USP49: variants seen among roughly 807,000 people sequenced by gnomAD.
USP49 encodes ubiquitin carboxyl-terminal hydrolase 49.
In USP49, 24 loss-of-function variants were observed where a neutral mutation model predicts 58.6. The ratio of observed to expected loss-of-function variants is 0.41; its 90% CI spans 0.30 to 0.58. The LOEUF (loss-of-function observed/expected upper bound fraction) is 0.58, where lower values mean the gene tolerates loss of function less well. Ranked by LOEUF, USP49 falls within the 20% of genes least tolerant of loss-of-function variation. The pLI is 0.30. For synonymous variants in USP49, 408 were observed against 365.1 expected (o/e 1.12, Z -1.34); for missense variants, 703 against 866.1 (o/e 0.81, Z 2.36).
intron 3 of USP49, among the ~76,000 whole-genome samples, chr6:41,810,061 G>A (rs2395793): frequency 0.99 from 150,001 of 151,638 alleles, 74,206 homozygotes; most frequent in East Asian, 1. Context: ...CTGAGGCAGG[G>A]GAATGGCGCG....
rs149153226 is a variant in USP49, at chr6:41,853,999, CG to C, written c.-29+17564del. ...GGGCAACAACAGCGAGACTCTGTCT[CG>C]AAAAAAAAAAAAAAAAAAAAAAAGA... On this transcript the variant is annotated intron_variant, in intron 3 of 7. Coordinates refer to ENST00000682992, the MANE Select transcript of USP49 (RefSeq NM_001286554.2). 5.0e-3 allele frequency among the ~76,000 whole-genome samples: 295 copies of C among 58,848 alleles called. 26 individuals are homozygous for C. In the South Asian group the frequency reaches 0.062, roughly 12 times the overall value. The allele number at this position is 58,848 out of a possible 152,430, so 38.6% of individuals were successfully genotyped here. A position where few individuals can be genotyped will look rare whatever the true frequency, so the allele number is the denominator to read the frequency against.
intron 7 of USP49, 145 bp from the exon 8 acceptor site, chr6:41,796,868 TG>T: frequency 1.7e-6 from 1 of 601,424 alleles, no homozygotes; most frequent in South Asian, 2.0e-5. Flanking sequence ...GACAGGTAAA[TG>T]AAACTGACAG....
chr6:41,873,048 A>G (rs1267400103), intron 2 of USP49: 1 of 152,348 alleles, frequency 6.6e-6, no homozygotes, highest in African/African-American at 2.4e-5. Context: ...ATTGCTCTGC[A>G]TTAGACAGGG....
intron 3 of USP49, among the ~76,000 whole-genome samples, chr6:41,861,446 A>G (rs528772963): frequency 6.6e-6 from 1 of 152,300 alleles, no homozygotes; most frequent in South Asian, 2.1e-4. Context: ...CAGTCTCAAA[A>G]CAAATAAATA....
intron 2 of USP49, among the ~76,000 whole-genome samples, chr6:41,877,631 T>C (rs1774525730): frequency 6.6e-6 from 1 of 151,678 alleles, no homozygotes; most frequent in Non-Finnish European, 1.5e-5. Context: ...GGCATGATCT[T>C]AGCTCACTGC....
intron 2 of USP49, among the ~76,000 whole-genome samples, chr6:41,875,818 G>A (rs1310345408): frequency 2.0e-5 from 3 of 151,970 alleles, no homozygotes; most frequent in Non-Finnish European, 4.4e-5. Context: ...TGCAACCTCC[G>A]CCTCCCGGGT....
chr6:41,849,192 A>T (rs895057742), intron 3 of USP49, among the ~76,000 whole-genome samples: 11 of 152,320 alleles, frequency 7.2e-5, no homozygotes, highest in Admixed American at 7.2e-4. Flanking sequence ...ATAGATTTTA[A>T]ATAAAAAACT....
At chr6:41,828,230 G>C (rs545162847) in intron 3 of USP49, among the ~76,000 whole-genome samples, 2 of 152,090 alleles carry the variant, frequency 1.3e-5, no homozygotes, top group East Asian at 3.9e-4. Context: ...AGATCACAAG[G>C]TCAGGAGATC....
At chr6:41,807,245 G>A (rs1002250553) in intron 3 of USP49, among the ~76,000 whole-genome samples, 1 of 152,102 alleles carries the variant, frequency 6.6e-6, no homozygotes, top group African/African-American at 2.4e-5. Context: ...TCTTACGGAA[G>A]GGTTAGCACA....
At chr6:41,839,436 A>AAAAAAC (rs71545918) in intron 3 of USP49, among the ~76,000 whole-genome samples, 1 of 132,908 alleles carries the variant, frequency 7.5e-6, no homozygotes, top group Non-Finnish European at 1.6e-5. Flanking sequence ...AAAAAAAAAA[A>AAAAAAC]GTCTGCAAGA....
intron 2 of USP49, among the ~76,000 whole-genome samples, chr6:41,872,530 G>A (rs926529934): frequency 4.0e-5 from 6 of 151,802 alleles, no homozygotes; most frequent in Admixed American, 6.6e-5. Flanking sequence ...TTGCATTTTC[G>A]ACATTAAAGT....
intron 3 of USP49, among the ~76,000 whole-genome samples, chr6:41,865,916 CTTTTTTTTTTTT>C (rs34663718): frequency 1.5e-5 from 1 of 65,388 alleles, no homozygotes; most frequent in South Asian, 8.4e-4. Context: ...AGCATGGTGC[CTTTTTTTTTTTT>C]TTTTTTTTTT....
Position 41,805,807 on chromosome 6 carries a change from G to T in USP49, c.1177C>A (p.Arg393Ser), listed in dbSNP as rs1173005097. ...HSVWSLIPAFRGYDQQDAQEF... is the reference protein window; with the variant it reads ...HSVWSLIPAFSGYDQQDAQEF... ...TGCGCGTCCTGTTGGTCGTAGCCGCGGAAGGCAGGGATCAGGCTCCACACT... is the reference window on the plus strand; with the variant it reads ...TGCGCGTCCTGTTGGTCGTAGCCGCTGAAGGCAGGGATCAGGCTCCACACT... The change falls in exon 4 of 8, where the codon CGC becomes AGC. Residue 393 changes from arginine to serine, a missense_variant. By Grantham distance (110) the Arg-to-Ser change is moderately radical (BLOSUM62 -1). Coordinates refer to ENST00000682992, the MANE Select transcript of USP49 (RefSeq NM_001286554.2). The T allele has an allele frequency of 6.2e-7, 1 of 1,614,046 alleles. No homozygotes were observed. The highest frequency in any genetic ancestry group is 8.5e-7 in the Non-Finnish European group (1 of 1,180,018).
intron 3 of USP49, among the ~76,000 whole-genome samples, chr6:41,811,548 A>G (rs1773257638): frequency 6.6e-6 from 1 of 152,148 alleles, no homozygotes; most frequent in African/African-American, 2.4e-5. Flanking sequence ...CCTAAGGATA[A>G]GGGGGGAATA....
At chr6:41,843,166 C>T (rs938161842) in intron 3 of USP49, among the ~76,000 whole-genome samples, 3 of 152,182 alleles carry the variant, frequency 2.0e-5, no homozygotes, top group Non-Finnish European at 2.9e-5. Context: ...TAGGCCACCA[C>T]GCCTGGCTAA....
At chr6:41,887,717 C>A (rs1165953843) in intron 2 of USP49, among the ~76,000 whole-genome samples, 1 of 152,172 alleles carries the variant, frequency 6.6e-6, no homozygotes. Context: ...ATAGAAGGCA[C>A]GGAGTAGCAG....
In USP49 at chr6:41,806,384, C is replaced by G; in HGVS notation, c.600G>C (p.Leu200=). Residue 200 remains leucine (L), a synonymous_variant, in exon 4 of 8, where the codon CTG becomes CTC. Coordinates refer to ENST00000682992, the MANE Select transcript of USP49 (RefSeq NM_001286554.2). The surrounding 1 kb of genome is among the most constrained non-coding windows in gnomAD (Gnocchi z 5.9). ...REVKRRLLEE[L]ASTPPRKSAR... ...CACTCTTGCGCGGAGGGGTGCTGGC[C>G]AGCTCCTCCAGCAGCCGCCGTTTCA... 1.9e-6 allele frequency: 3 copies of G among 1,549,870 alleles called. No homozygotes were observed. Among genetic ancestry groups the G allele is most frequent in the Middle Eastern group, 2.0e-4 (1 of 5,066 alleles).
At chr6:41,820,142 A>T (rs78918874) in intron 3 of USP49, among the ~76,000 whole-genome samples, 2,276 of 151,938 alleles carry the variant, frequency 0.015, 56 homozygotes, top group African/African-American at 0.053. Flanking sequence ...ACTGGGGAAA[A>T]ATGTTTTAAA....
intron 3 of USP49, among the ~76,000 whole-genome samples, chr6:41,823,043 T>TA (rs1582003786): frequency 1.3e-5 from 2 of 151,956 alleles, no homozygotes. Context: ...TTTAAAAAAC[T>TA]AAAAAAGGGG....
Sources: allele counts gnomAD v4.1 joint callset (sites outside exome capture counted in the v4.1 genomes callset), GRCh38; gene constraint gnomAD v4.1.1; non-coding constraint Gnocchi (gnomAD v3.1); transcripts MANE v1.5; gene names NCBI Gene and HGNC (gene_info 2026-07-23, HGNC 2026-07-21).